STIM1: variants seen among roughly 807,000 people sequenced by gnomAD.
The protein encoded by STIM1 is stromal interaction molecule 1.
In STIM1, 25 loss-of-function variants were observed where a neutral mutation model predicts 74.7. The observed-to-expected ratio is 0.33, with a 90% confidence interval of 0.24 to 0.47. The LOEUF is 0.47. Among genes scored for constraint, STIM1 ranks in the 20% least tolerant of loss-of-function variants. STIM1 has a pLI of 1.00. For missense variants in STIM1, 728 were observed against 920.8 expected, an observed-to-expected ratio of 0.79 and a Z score of 2.71; for synonymous variants, 328 against 348.8, an observed-to-expected ratio of 0.94 and a Z score of 0.66.
At chr11:3,972,285 T>G (rs1356168653) in intron 2 of STIM1, among the ~76,000 whole-genome samples, 1 of 152,222 alleles carries the variant, frequency 6.6e-6, no homozygotes, top group Non-Finnish European at 1.5e-5. Context: ...GAAGTAAGTC[T>G]TTATTCCTAC....
chr11:3,949,846 T>C (rs1234526054), intron 1 of STIM1, among the ~76,000 whole-genome samples: 1 of 152,184 alleles, frequency 6.6e-6, no homozygotes, highest in African/African-American at 2.4e-5. Flanking sequence ...ACCAATCTTG[T>C]TCAGATTTCC....
chr11:4,090,462 A>G (rs1046608895), intron 12 of STIM1, among the ~76,000 whole-genome samples: 5 of 152,206 alleles, frequency 3.3e-5, no homozygotes, highest in African/African-American at 9.6e-5. Context: ...GAACTCTGCA[A>G]TACCTATCTA....
rs140112960 is a variant in STIM1 at position 4,001,631 on chromosome 11, C to T, written c.271-22242C>T. Among the ~76,000 whole-genome samples, 1,472 of 152,272 alleles carry T rather than the reference C, an allele frequency of 9.7e-3. 23 individuals carry two copies. Among genetic ancestry groups the T allele is most frequent in the African/African-American group, 0.034 (1,410 of 41,544 alleles). On this transcript the variant is annotated intron_variant, in intron 2 of 12. Coordinates refer to ENST00000526596, the MANE Select transcript of STIM1 (RefSeq NM_001382567.1). ...CAACCGGTACCAGCCACTGCAAAAT[C>T]ATACCAAAATGTAAAGACCATTGAG...
chr11:4,015,793 G>C (rs1043324224), intron 2 of STIM1, among the ~76,000 whole-genome samples: 1 of 151,940 alleles, frequency 6.6e-6, no homozygotes, highest in Admixed American at 6.6e-5. Flanking sequence ...TCATTAATTT[G>C]ATCTTCAATC....
chr11:3,942,857 A>G (rs2093027749), intron 1 of STIM1, among the ~76,000 whole-genome samples: 1 of 152,106 alleles, frequency 6.6e-6, no homozygotes, highest in African/African-American at 2.4e-5. Context: ...GCTAGTGTGC[A>G]AGGCAGGAAG....
intron 2 of STIM1, among the ~76,000 whole-genome samples, chr11:3,984,194 A>G (rs1480099886): frequency 1.3e-5 from 2 of 152,040 alleles, no homozygotes; most frequent in Non-Finnish European, 2.9e-5. Flanking sequence ...AAAATTTACT[A>G]TATGCAAATT....
chr11:3,896,183 C>T (rs555679792), intron 1 of STIM1, among the ~76,000 whole-genome samples: 7 of 151,264 alleles, frequency 4.6e-5, no homozygotes, highest in Admixed American at 6.6e-5. Flanking sequence ...GGATTACAGG[C>T]GTGAGCCACT....
At chr11:4,000,044 C>A (rs2093698951) in intron 2 of STIM1, among the ~76,000 whole-genome samples, 2 of 152,176 alleles carry the variant, frequency 1.3e-5, no homozygotes, top group South Asian at 2.1e-4. Context: ...GGGCGCCCGC[C>A]ATTGCCCAGG....
chr11:3,856,011 C>T lies in STIM1; in HGVS notation c.-260C>T, dbSNP rs1297494535. 6 of 532,772 alleles carry T rather than the reference C, an allele frequency of 1.1e-5. No individual in the cohort carries two copies. The highest frequency in any genetic ancestry group is 1.7e-5 in the Non-Finnish European group (5 of 293,678). The allele number at this position is 532,772 out of a possible 1,614,324, so 33.0% of individuals were successfully genotyped here. A position where few individuals can be genotyped will look rare whatever the true frequency, so the allele number is the denominator to read the frequency against. ...CCGCAGCCACCCTGCCCGAAGTCTCCGGAAGCGGCACGAGCTCAGGCCGCC... is the reference window on the plus strand; with the variant it reads ...CCGCAGCCACCCTGCCCGAAGTCTCTGGAAGCGGCACGAGCTCAGGCCGCC... On this transcript the variant is annotated 5_prime_UTR_variant, in exon 1 of 13. Coordinates refer to ENST00000526596, the MANE Select transcript of STIM1 (RefSeq NM_001382567.1).
intron 1 of STIM1, among the ~76,000 whole-genome samples, chr11:3,951,009 T>C (rs1274365998): frequency 1.3e-5 from 2 of 152,170 alleles, no homozygotes; most frequent in Non-Finnish European, 2.9e-5. Flanking sequence ...ACAGGGCGAA[T>C]AGTGAGGAAA....
At chr11:4,080,203 A>AC (rs1321377220) in intron 7 of STIM1, among the ~76,000 whole-genome samples, 4 of 152,108 alleles carry the variant, frequency 2.6e-5, no homozygotes, top group African/African-American at 9.7e-5. Flanking sequence ...CTGAGACTGC[A>AC]CCACTGCACT....
chr11:3,886,063 G>C (rs10835238), intron 1 of STIM1, among the ~76,000 whole-genome samples: 1 of 152,058 alleles, frequency 6.6e-6, no homozygotes, highest in Non-Finnish European at 1.5e-5. Flanking sequence ...ATTAAGGATT[G>C]GCATGGGTGA....
At chr11:3,962,445 TTG>T (rs139472251) in intron 1 of STIM1, among the ~76,000 whole-genome samples, 4,441 of 147,460 alleles carry the variant, frequency 0.03, 179 homozygotes, top group African/African-American at 0.097. Flanking sequence ...CTGAGTAGTA[TTG>T]TGTGTGTGTG....
chr11:3,958,687 T>A lies in STIM1; in HGVS notation c.140-8865T>A, dbSNP rs181023492. Reference sequence around the variant, plus strand: ...CCTTTTTTAAGACTTCACATTTCCATAGTCAGGCGCAGTGGCTCACACCTG... The same window carrying A: ...CCTTTTTTAAGACTTCACATTTCCAAAGTCAGGCGCAGTGGCTCACACCTG... On this transcript the variant is annotated intron_variant, in intron 1 of 12. Coordinates refer to ENST00000526596, the MANE Select transcript of STIM1 (RefSeq NM_001382567.1). 3.6e-3 allele frequency among the ~76,000 whole-genome samples: 546 copies of A among 152,052 alleles called. 2 individuals are homozygous for A. The highest frequency in any genetic ancestry group is 4.9e-3 in the Non-Finnish European group (330 of 67,980).
At chr11:3,994,596 A>T (rs1309402129) in intron 2 of STIM1, among the ~76,000 whole-genome samples, 2 of 151,548 alleles carry the variant, frequency 1.3e-5, no homozygotes, top group African/African-American at 2.4e-5. Flanking sequence ...AGTAGCTGGG[A>T]TCGCAGGCGT....
At chr11:4,053,461 C>T (rs2094260692) in intron 3 of STIM1, among the ~76,000 whole-genome samples, 1 of 152,034 alleles carries the variant, frequency 6.6e-6, no homozygotes, top group South Asian at 2.1e-4. Flanking sequence ...AACCATCATT[C>T]TCAGCAAAAT....
chr11:3,887,941 G>A (rs1168598317), intron 1 of STIM1: 3 of 147,474 alleles, frequency 2.0e-5, no homozygotes, highest in Non-Finnish European at 4.4e-5. Context: ...CTGCACTCCA[G>A]CCTGGGTGAC....
chr11:4,018,188 G>T lies in STIM1; in HGVS notation c.271-5685G>T, dbSNP rs935567159. Among the ~76,000 whole-genome samples, 15 of 151,906 alleles carry T rather than the reference G, an allele frequency of 9.9e-5. No homozygotes were observed. In the South Asian group the frequency reaches 2.5e-3, roughly 25 times the overall value. Reference sequence around the variant, plus strand: ...AAATTGGCTGGGCGCGGTGGCTCACGCCTGTAATCCCAGCACTTTGGGAGG... The same window carrying T: ...AAATTGGCTGGGCGCGGTGGCTCACTCCTGTAATCCCAGCACTTTGGGAGG... On this transcript the variant is annotated intron_variant, in intron 2 of 12. Transcript: ENST00000526596.
intron 1 of STIM1, chr11:3,892,987 C>T (rs2091944959): frequency 1.4e-6 from 1 of 723,998 alleles, no homozygotes. Flanking sequence ...CCAGGCTGGT[C>T]TTGAACTCCT....
Sources: allele counts gnomAD v4.1 joint callset (sites outside exome capture counted in the v4.1 genomes callset), GRCh38; gene constraint gnomAD v4.1.1; transcripts MANE v1.5; gene names NCBI Gene and HGNC (gene_info 2026-07-23, HGNC 2026-07-21).